CLYBL: variants seen among roughly 807,000 people sequenced by gnomAD.
CLYBL encodes citramalyl-CoA lyase, mitochondrial.
In CLYBL, 31 loss-of-function variants were observed where a neutral mutation model predicts 38.9. The ratio of observed to expected loss-of-function variants is 0.80; its 90% CI spans 0.60 to 1.08. CLYBL has a LOEUF of 1.08. Among genes scored for constraint, CLYBL ranks in the 50% least tolerant of loss-of-function variants. The pLI is 0.00. For missense variants in CLYBL, 434 were observed against 411.6 expected (o/e 1.05, Z -0.47); for synonymous variants, 171 against 158.6 (o/e 1.08, Z -0.59).
chr13:99,884,326 TCTC>T (rs1440742300), intron 7 of CLYBL, among the ~76,000 whole-genome samples: 1 of 152,016 alleles, frequency 6.6e-6, no homozygotes, highest in Non-Finnish European at 1.5e-5. Flanking sequence ...GATTCTGTCT[TCTC>T]CTATCACTGT....
At chr13:99,831,645 GAAGT>G (rs2050805248) in intron 2 of CLYBL, among the ~76,000 whole-genome samples, 1 of 151,326 alleles carries the variant, frequency 6.6e-6, no homozygotes, top group Non-Finnish European at 1.5e-5. Flanking sequence ...TAGATCTTTT[GAAGT>G]AAGCATTTTT....
At chr13:99,894,319 G>T (rs140637672), downstream of CLYBL, 1 of 152,264 alleles carries the variant, frequency 6.6e-6, no homozygotes, top group Non-Finnish European at 1.5e-5. Context: ...AGAGCTGCCC[G>T]ACTCCTGAGC....
intron 1 of CLYBL, among the ~76,000 whole-genome samples, chr13:99,686,087 CT>C (rs1464123863): frequency 6.6e-6 from 1 of 152,166 alleles, no homozygotes; most frequent in African/African-American, 2.4e-5. Context: ...AAATTTCCCC[CT>C]TTATTCTCTT....
chr13:99,612,723 A>G (rs1243799191), intron 1 of CLYBL, among the ~76,000 whole-genome samples: 1 of 152,080 alleles, frequency 6.6e-6, no homozygotes, highest in Non-Finnish European at 1.5e-5. Context: ...CTCAGTAATT[A>G]CTTTACAGCC....
At chr13:99,906,487 G>T (rs1279167095) in intron 9 of CLYBL, among the ~76,000 whole-genome samples, 1 of 151,288 alleles carries the variant, frequency 6.6e-6, no homozygotes, top group Non-Finnish European at 1.5e-5. Context: ...CCAGTGGCGC[G>T]ATCTCGGCTC....
intron 2 of CLYBL, among the ~76,000 whole-genome samples, chr13:99,819,624 T>C (rs989827728): frequency 2.1e-4 from 32 of 151,422 alleles, no homozygotes; most frequent in African/African-American, 6.1e-4. Context: ...GCAGGTGGTG[T>C]GATTCATCTG....
intron 1 of CLYBL, among the ~76,000 whole-genome samples, chr13:99,607,678 GA>G (rs2046549751): frequency 6.6e-6 from 1 of 152,234 alleles, no homozygotes. Flanking sequence ...AAAGCCCTAT[GA>G]CCAGTAATGA....
chr13:99,884,790 A>G (rs1566366928), intron 7 of CLYBL, among the ~76,000 whole-genome samples: 2 of 152,190 alleles, frequency 1.3e-5, no homozygotes, highest in Non-Finnish European at 2.9e-5. Flanking sequence ...TGGGAGGCAG[A>G]GCCCCATATC....
chr13:99,898,820 C>T (rs374500311), downstream of CLYBL, among the ~76,000 whole-genome samples: 9 of 152,318 alleles, frequency 5.9e-5, no homozygotes, highest in South Asian at 6.2e-4. Context: ...TTCTGTTGCA[C>T]GGATTGGACT....
intron 1 of CLYBL, among the ~76,000 whole-genome samples, chr13:99,625,766 T>C (rs2046860474): frequency 6.6e-6 from 1 of 152,198 alleles, no homozygotes; most frequent in Non-Finnish European, 1.5e-5. Flanking sequence ...GTCCCTCCTT[T>C]ATACATTCTT....
chr13:99,797,603 T>G (rs2050050040), intron 2 of CLYBL, among the ~76,000 whole-genome samples: 1 of 151,640 alleles, frequency 6.6e-6, no homozygotes, highest in African/African-American at 2.4e-5. Flanking sequence ...TAAACAACAC[T>G]CCACAGCTGA....
At chr13:99,788,867 C>T (rs879488096) in intron 2 of CLYBL, among the ~76,000 whole-genome samples, 9 of 152,164 alleles carry the variant, frequency 5.9e-5, no homozygotes, top group Non-Finnish European at 1.0e-4. Context: ...TAATTATTGC[C>T]TCAATTTCAG....
chr13:99,819,230 A>T (rs1289426947), intron 2 of CLYBL, among the ~76,000 whole-genome samples: 1 of 150,814 alleles, frequency 6.6e-6, no homozygotes, highest in African/African-American at 2.4e-5. Flanking sequence ...CTGTAGTTCC[A>T]GCTTCTGGGG....
intron 7 of CLYBL, among the ~76,000 whole-genome samples, chr13:99,875,041 G>A (rs550734868): frequency 3.3e-5 from 5 of 152,236 alleles, no homozygotes; most frequent in South Asian, 2.1e-4. Flanking sequence ...ATGGCTGTAC[G>A]TGCTTTGTTT....
At chr13:99,830,304 C>T (rs942212663) in intron 2 of CLYBL, among the ~76,000 whole-genome samples, 1 of 152,168 alleles carries the variant, frequency 6.6e-6, no homozygotes, top group African/African-American at 2.4e-5. Flanking sequence ...ATGCACACAT[C>T]CTAAGGACAG....
chr13:99,716,782 C>CTTTTCTTTTT (rs2048322216), intron 1 of CLYBL, among the ~76,000 whole-genome samples: 1 of 128,344 alleles, frequency 7.8e-6, no homozygotes, highest in African/African-American at 3.0e-5. Context: ...AATTTCTTTT[C>CTTTTCTTTTT]TTTTCTTTTT....
intron 2 of CLYBL, among the ~76,000 whole-genome samples, chr13:99,785,191 CTTTTTTTTTTTT>C (rs58550861): frequency 0.012 from 416 of 34,242 alleles, 8 homozygotes; most frequent in African/African-American, 0.053. Context: ...CCCCGCCTGG[CTTTTTTTTTTTT>C]TTTTTTTTTT....
chr13:99,611,071 G>A (rs1299145944), intron 1 of CLYBL, among the ~76,000 whole-genome samples: 1 of 152,298 alleles, frequency 6.6e-6, no homozygotes, highest in East Asian at 1.9e-4. Context: ...CCATGCTGCT[G>A]GTTTTCACTG....
At chr13:99,768,192 CTTTTTTTTTTTT>C (rs58499426) in intron 1 of CLYBL, among the ~76,000 whole-genome samples, 4 of 102,672 alleles carry the variant, frequency 3.9e-5, no homozygotes, top group Admixed American at 1.3e-4. Flanking sequence ...TTTTCTTTTT[CTTTTTTTTTTTT>C]TTTTTTTTGA....
Sources: allele counts gnomAD v4.1 joint callset (sites outside exome capture counted in the v4.1 genomes callset), GRCh38; gene constraint gnomAD v4.1.1; transcripts MANE v1.5; gene names NCBI Gene and HGNC (gene_info 2026-07-23, HGNC 2026-07-21).